RALGPS1: variants seen among roughly 807,000 people sequenced by gnomAD.
RALGPS1 encodes ras-specific guanine nucleotide-releasing factor RalGPS1.
A neutral mutation model predicts 78.8 loss-of-function variants in RALGPS1; 19 were observed. The observed-to-expected ratio is 0.24, with a 90% confidence interval of 0.17 to 0.35. The LOEUF (loss-of-function observed/expected upper bound fraction) is 0.35, where lower values mean the gene tolerates loss of function less well. RALGPS1 is among the 10% of genes least tolerant of loss of function. The pLI is 1.00. For missense variants in RALGPS1, 454 were observed against 688.3 expected, an observed-to-expected ratio of 0.66 and a Z score of 3.81; for synonymous variants, 228 against 256.3, an observed-to-expected ratio of 0.89 and a Z score of 1.06.
At chr9:127,094,468 G>A (rs1250877044) in intron 8 of RALGPS1, among the ~76,000 whole-genome samples, 2 of 152,206 alleles carry the variant, frequency 1.3e-5, no homozygotes, top group African/African-American at 2.4e-5. Context: ...CTGACTCCAC[G>A]TCTGCCCTTC....
At chr9:127,039,938 A>G (rs1323611233) in intron 5 of RALGPS1, among the ~76,000 whole-genome samples, 2 of 152,212 alleles carry the variant, frequency 1.3e-5, no homozygotes, top group African/African-American at 2.4e-5. Flanking sequence ...GTGATTTTCT[A>G]AGTGGCCCCA....
chr9:127,119,929 C>T (rs933192127), intron 8 of RALGPS1, among the ~76,000 whole-genome samples: 1 of 152,228 alleles, frequency 6.6e-6, no homozygotes, highest in African/African-American at 2.4e-5. Context: ...TCAGTAGCCC[C>T]AGAGGCCTTG....
intron 13 of RALGPS1, among the ~76,000 whole-genome samples, chr9:127,198,491 G>A (rs769944394): frequency 6.6e-6 from 1 of 152,228 alleles, no homozygotes; most frequent in East Asian, 1.9e-4. Flanking sequence ...GGAATAGGGA[G>A]CAAAGCTGTG....
intron 1 of RALGPS1, among the ~76,000 whole-genome samples, chr9:126,916,148 G>A (rs1352294574): frequency 6.6e-6 from 1 of 152,182 alleles, no homozygotes; most frequent in Non-Finnish European, 1.5e-5. Flanking sequence ...GTGCCGATGG[G>A]CAGGTTGGAT....
At chr9:127,066,150 A>T (rs919911769) in intron 7 of RALGPS1, among the ~76,000 whole-genome samples, 3 of 152,230 alleles carry the variant, frequency 2.0e-5, no homozygotes, top group Non-Finnish European at 4.4e-5. Flanking sequence ...GGCAGGGAAC[A>T]TGGGCAGTCC....
intron 10 of RALGPS1, among the ~76,000 whole-genome samples, chr9:127,171,723 C>A (rs1201001733): frequency 2.6e-5 from 4 of 152,260 alleles, no homozygotes; most frequent in Admixed American, 2.6e-4. Flanking sequence ...TGCGCCACTG[C>A]ACTCCAGCCT....
chr9:127,108,096 G>A, intron 8 of RALGPS1: 5 of 1,611,924 alleles, frequency 3.1e-6, no homozygotes, highest in Non-Finnish European at 4.2e-6. Flanking sequence ...GCTGGGGGAC[G>A]GGCCTGGCCG....
chr9:127,134,033 G>A (rs1483632139), intron 8 of RALGPS1, among the ~76,000 whole-genome samples: 2 of 151,362 alleles, frequency 1.3e-5, no homozygotes, highest in Non-Finnish European at 2.9e-5. Flanking sequence ...CTGTGATTCA[G>A]CACACACAGA....
In RALGPS1 at chr9:127,149,388, G is replaced by A. The variant is rs139598906; in HGVS notation, c.611-16681G>A. Among the ~76,000 whole-genome samples, 58 of 152,372 alleles carry A rather than the reference G, an allele frequency of 3.8e-4. 1 individual carries two copies. The highest frequency in any genetic ancestry group is 1.3e-3 in the African/African-American group (54 of 41,590). On this transcript the variant is annotated intron_variant, in intron 8 of 18. Transcript: ENST00000259351. ...ACACCAGGATCTTACTAAAGGAAGC[G>A]TTTGGCGCTAGAGGGCTGAGCCCAG... is the stretch of plus-strand genomic sequence containing the variant.
At chr9:126,915,282 G>A (rs2034003866) in intron 1 of RALGPS1, among the ~76,000 whole-genome samples, 1 of 138,336 alleles carries the variant, frequency 7.2e-6, no homozygotes, top group South Asian at 2.2e-4. Context: ...GGGGGGCGGG[G>A]CCGGGGGGGC....
intron 1 of RALGPS1, among the ~76,000 whole-genome samples, chr9:126,926,913 C>A (rs1360564471): frequency 6.6e-6 from 1 of 152,038 alleles, no homozygotes; most frequent in Non-Finnish European, 1.5e-5. Context: ...TAGGACCAGT[C>A]ACTGAGCTAT....
intron 8 of RALGPS1, among the ~76,000 whole-genome samples, chr9:127,104,969 A>G (rs1023296127): frequency 1.3e-5 from 2 of 152,154 alleles, no homozygotes; most frequent in African/African-American, 4.8e-5. Flanking sequence ...TTCTCTGCTC[A>G]TTGGATGCCC....
chr9:126,981,819 T>C (rs1369694743), intron 4 of RALGPS1, among the ~76,000 whole-genome samples: 1 of 152,216 alleles, frequency 6.6e-6, no homozygotes, highest in African/African-American at 2.4e-5. Flanking sequence ...AATAAGCATT[T>C]ATCTCTCATA....
chr9:127,004,641 C>G (rs1361275487), intron 4 of RALGPS1, among the ~76,000 whole-genome samples: 2 of 152,086 alleles, frequency 1.3e-5, no homozygotes, highest in Non-Finnish European at 2.9e-5. Context: ...TGTAACTTAC[C>G]TTTATGATTA....
chr9:127,090,831 G>A (rs1477123299), intron 8 of RALGPS1, among the ~76,000 whole-genome samples: 2 of 152,230 alleles, frequency 1.3e-5, no homozygotes, highest in African/African-American at 4.8e-5. Flanking sequence ...TTCATCTCAA[G>A]AAACTGGGTG....
chr9:126,952,397 T>C, intron 1 of RALGPS1, among the ~76,000 whole-genome samples: 1 of 152,124 alleles, frequency 6.6e-6, no homozygotes, highest in East Asian at 1.9e-4. Context: ...CAGTCTGACA[T>C]GTGCTTACGT....
At chr9:127,141,900 G>C (rs1054571385) in intron 8 of RALGPS1, among the ~76,000 whole-genome samples, 28 of 151,824 alleles carry the variant, frequency 1.8e-4, no homozygotes, top group African/African-American at 6.3e-4. Flanking sequence ...TTTGTCATTT[G>C]GGGTTATGTA....
At chr9:127,152,508 G>A (rs952351522) in intron 8 of RALGPS1, among the ~76,000 whole-genome samples, 3 of 152,200 alleles carry the variant, frequency 2.0e-5, no homozygotes, top group South Asian at 4.1e-4. Flanking sequence ...TGGGCAGTGA[G>A]TGTACTGGTC....
At chr9:127,110,914 C>G (rs2054743892) in intron 8 of RALGPS1, among the ~76,000 whole-genome samples, 1 of 152,062 alleles carries the variant, frequency 6.6e-6, no homozygotes, top group Non-Finnish European at 1.5e-5. Flanking sequence ...CCAGCCTTGC[C>G]CATCCTACCT....
Sources: allele counts gnomAD v4.1 joint callset (sites outside exome capture counted in the v4.1 genomes callset), GRCh38; gene constraint gnomAD v4.1.1; transcripts MANE v1.5; gene names NCBI Gene and HGNC (gene_info 2026-07-23, HGNC 2026-07-21).